Variants in CXorf58 observed in about 807,000 individuals in gnomAD.
CXorf58 encodes uncharacterized protein CXorf58.
A neutral mutation model predicts 26.0 loss-of-function variants in CXorf58; 24 were observed. The ratio of observed to expected loss-of-function variants is 0.92; its 90% CI spans 0.67 to 1.30. The LOEUF is 1.30. CXorf58 is among the 50% of genes most tolerant of loss of function. CXorf58 has a pLI of 0.00. For synonymous variants in CXorf58, 87 were observed against 86.1 expected (o/e 1.01, Z -0.06); for missense variants, 236 against 263.9 (o/e 0.89, Z 0.73).
intron 2 of CXorf58, among the ~76,000 whole-genome samples, chrX:23,910,966 A>G (rs757259869): frequency 9.1e-6 from 1 of 109,328 alleles, no homozygotes; most frequent in African/African-American, 3.3e-5. Flanking sequence ...GGGTTTCACC[A>G]TATTGGCCAG....
At chrX:23,929,417 A>AG (rs1366256097) in intron 6 of CXorf58, among the ~76,000 whole-genome samples, 1 of 88,705 alleles carries the variant, frequency 1.1e-5, no homozygotes, top group African/African-American at 3.5e-5. Flanking sequence ...AAAAAAAAAA[A>AG]AAAAAGAAAA....
intron 5 of CXorf58, among the ~76,000 whole-genome samples, chrX:23,924,567 C>T (rs1475445425): frequency 1.8e-5 from 2 of 108,751 alleles, no homozygotes; most frequent in Non-Finnish European, 3.8e-5. Context: ...AGGTGATCCA[C>T]CTGCTTTGGC....
chrX:23,929,269 G>C lies in CXorf58; in HGVS notation c.555+1899G>C, dbSNP rs112899732. On this transcript the variant is annotated intron_variant, in intron 6 of 8. Transcript: ENST00000379211. ...AAAATACAAAAAATTAGCCGGGCAT[G>C]GTGGCGGGCACCTATAGTCCCAGCT... 3.2e-3 allele frequency among the ~76,000 whole-genome samples: 346 copies of C among 109,080 alleles called. 1 individual carries two copies. Among genetic ancestry groups the C allele is most frequent in the African/African-American group, 0.011 (322 of 29,940 alleles). 94.7% of individuals were successfully genotyped at this position (109,080 alleles called of 115,157 possible). A position where few individuals can be genotyped will look rare whatever the true frequency, so the allele number is the denominator to read the frequency against.
intron 5 of CXorf58, among the ~76,000 whole-genome samples, chrX:23,925,211 A>G (rs1319660618): frequency 8.9e-6 from 1 of 111,937 alleles, no homozygotes; most frequent in Non-Finnish European, 1.9e-5. Context: ...AATTTAAAAA[A>G]ATAAATAAAG....
At chrX:23,924,905 A>T (rs756377553) in intron 5 of CXorf58, among the ~76,000 whole-genome samples, 1 of 111,969 alleles carries the variant, frequency 8.9e-6, no homozygotes, top group African/African-American at 3.2e-5. Context: ...TTTTATGCTT[A>T]TACAATCTCT....
At chrX:23,924,316 T>TGA (rs1569253605) in intron 5 of CXorf58, among the ~76,000 whole-genome samples, 11 of 103,103 alleles carry the variant, frequency 1.1e-4, no homozygotes, top group African/African-American at 3.8e-4. Flanking sequence ...ATTTATTTAT[T>TGA]TATTTATTTA....
chrX:23,930,928 T>C (rs1928153560), intron 6 of CXorf58, among the ~76,000 whole-genome samples: 1 of 107,647 alleles, frequency 9.3e-6, no homozygotes, highest in Admixed American at 9.8e-5. Context: ...GTATGTACAT[T>C]TTTTTTTAAA....
intron 6 of CXorf58, 73 bp from the exon 7 acceptor site, chrX:23,935,123 C>T: frequency 1.2e-6 from 1 of 806,911 alleles, no homozygotes; most frequent in Non-Finnish European, 1.8e-6. Context: ...GCATCAGCCT[C>T]CCAAAGTTCT....
Position 23,935,435 on chromosome X carries a change from A to G in CXorf58, c.785+10A>G. On this transcript the variant is annotated intron_variant, in intron 7 of 8. Coordinates refer to ENST00000379211, the MANE Select transcript of CXorf58 (RefSeq NM_152761.3). ...TTGTTTCTGAAATTAGGTAAAACAG[A>G]TTCTTCACTGGGGTTACAATACTAG... is the stretch of plus-strand genomic sequence containing the variant. The G allele has an allele frequency of 1.8e-6, 2 of 1,094,681 alleles. No homozygotes were observed. Among genetic ancestry groups the G allele is most frequent in the Non-Finnish European group, 2.5e-6 (2 of 789,896 alleles). The allele number at this position is 1,094,681 out of a possible 1,213,427, so 90.2% of individuals were successfully genotyped here. A position where few individuals can be genotyped will look rare whatever the true frequency, so the allele number is the denominator to read the frequency against.
rs1294472109 is a variant in CXorf58 at position 23,913,045 on chromosome X, C to CA, written c.216+1199dup. Among the ~76,000 whole-genome samples, 51 of 103,541 alleles carry CA rather than the reference C, an allele frequency of 4.9e-4. 1 individual carries two copies. The South Asian group carries it at 0.01, about 21-fold the overall frequency. The allele number at this position is 103,541 out of a possible 115,157, so 89.9% of individuals were successfully genotyped here. On this transcript the variant is annotated intron_variant, in intron 3 of 8. Coordinates refer to ENST00000379211, the MANE Select transcript of CXorf58 (RefSeq NM_152761.3). ...ATCCTACTTGAGTGAAAACCAAAAC[C>CA]AAAAAAAAAAGGTGCATATCCCCCC...
At chrX:23,926,758 C>T (rs754337491) in intron 5 of CXorf58, among the ~76,000 whole-genome samples, 3 of 112,594 alleles carry the variant, frequency 2.7e-5, no homozygotes, top group East Asian at 2.8e-4. Flanking sequence ...CGGTGGCTCA[C>T]GCCTATAATC....
At chrX:23,928,498 C>T (rs1928075732) in intron 6 of CXorf58, among the ~76,000 whole-genome samples, 1 of 111,654 alleles carries the variant, frequency 9.0e-6, no homozygotes, top group Non-Finnish European at 1.9e-5. Context: ...TGTGTTTTCA[C>T]AAATGGAAGG....
chrX:23,931,179 T>G (rs981555900), intron 6 of CXorf58, among the ~76,000 whole-genome samples: 2 of 112,045 alleles, frequency 1.8e-5, no homozygotes, highest in African/African-American at 6.5e-5. Flanking sequence ...TTTCTTTCTT[T>G]TAGAGTCTTA....
At chrX:23,930,210 A>AAG (rs1184032811) in intron 6 of CXorf58, among the ~76,000 whole-genome samples, 2 of 107,179 alleles carry the variant, frequency 1.9e-5, no homozygotes, top group African/African-American at 3.4e-5. Flanking sequence ...AAAAAAAAAA[A>AAG]AAAAAAAGAA....
At chrX:23,921,903 A>G (rs1927879761) in intron 5 of CXorf58, among the ~76,000 whole-genome samples, 1 of 109,350 alleles carries the variant, frequency 9.1e-6, no homozygotes, top group South Asian at 4.1e-4. Context: ...AGGTTTTGCT[A>G]TGTTGGCCAG....
At chrX:23,919,955 G>C (rs188622411) in intron 5 of CXorf58, among the ~76,000 whole-genome samples, 38 of 112,566 alleles carry the variant, frequency 3.4e-4, no homozygotes, top group African/African-American at 1.2e-3. Flanking sequence ...GAATTCCCTG[G>C]ATTACCAGGC....
At chrX:23,919,795 C>T (rs1314909901) in intron 5 of CXorf58, among the ~76,000 whole-genome samples, 1 of 112,643 alleles carries the variant, frequency 8.9e-6, no homozygotes, top group Non-Finnish European at 1.9e-5. Context: ...AAAAGGCTTT[C>T]CAAGTATTCA....
chrX:23,911,266 G>A (rs1465610586), intron 2 of CXorf58, among the ~76,000 whole-genome samples: 1 of 111,042 alleles, frequency 9.0e-6, no homozygotes, highest in Non-Finnish European at 1.9e-5. Context: ...GGATGAGCCT[G>A]GTTCAAGCAA....
chrX:23,936,468 G>T (rs910257235), intron 7 of CXorf58, among the ~76,000 whole-genome samples: 5 of 111,870 alleles, frequency 4.5e-5, no homozygotes, highest in Non-Finnish European at 5.6e-5. Context: ...GATGTATTAT[G>T]ATCTGAAACA....
Sources: allele counts gnomAD v4.1 joint callset (sites outside exome capture counted in the v4.1 genomes callset), GRCh38; gene constraint gnomAD v4.1.1; transcripts MANE v1.5; gene names NCBI Gene and HGNC (gene_info 2026-07-23, HGNC 2026-07-21).